CMYA5: variants seen among roughly 807,000 people sequenced by gnomAD.
CMYA5 encodes cardiomyopathy associated 5, also known as cardiomyopathy-associated protein 5.
In CMYA5, 246 loss-of-function variants were observed where a neutral mutation model predicts 318.9. The ratio of observed to expected loss-of-function variants is 0.77; its 90% CI spans 0.70 to 0.86. The LOEUF is 0.86. Among genes scored for constraint, CMYA5 ranks in the 40% least tolerant of loss-of-function variants. The pLI is 0.00. For synonymous variants in CMYA5, 1,641 were observed against 1,729.5 expected (o/e 0.95, Z 1.27); for missense variants, 4,589 against 4,678.2 (o/e 0.98, Z 0.56).
Position 79,731,144 on chromosome 5 carries a change from G to A in CMYA5, c.2379G>A (p.Pro793=), listed in dbSNP as rs778726629. 6.3e-5 allele frequency: 101 copies of A among 1,613,812 alleles called. No homozygotes were observed. The Middle Eastern group carries it at 8.2e-4, about 13-fold the overall frequency. Residue 793 remains proline (P), a synonymous_variant, in exon 2 of 13, where the codon CCG becomes CCA. Coordinates refer to ENST00000446378, the MANE Select transcript of CMYA5 (RefSeq NM_153610.5). ...ACCTAGGAAGTGAACGTTTCACACC[G>A]GATTCAAAGTTGATCTCCAAATATG... is the stretch of plus-strand genomic sequence containing the variant. ...GEDLGSERFT[P]DSKLISKYAA... is the part of the protein sequence containing the mutation.
rs11319092 is a variant in CMYA5 at position 79,693,336 on chromosome 5, ATT to A, written c.149+3297_149+3298del. ...GGAGTCGTTTGTTCAAAGTCACACA[ATT>A]TTTTTTTTTTTTTTTTCTTGAGGTA... On this transcript the variant is annotated intron_variant, in intron 1 of 12. Coordinates refer to ENST00000446378, the MANE Select transcript of CMYA5 (RefSeq NM_153610.5). 7.5e-3 allele frequency among the ~76,000 whole-genome samples: 1,019 copies of A among 135,656 alleles called. 13 individuals are homozygous for A. The highest frequency in any genetic ancestry group is 0.02 in the African/African-American group (697 of 35,236). The allele number at this position is 135,656 out of a possible 152,430, so 89.0% of individuals were successfully genotyped here.
chr5:79,744,067 T>C (rs1340535778), intron 3 of CMYA5, 145 bp downstream of exon 3: 1 of 514,384 alleles, frequency 1.9e-6, no homozygotes, highest in African/African-American at 2.0e-5. Context: ...AAAGCGAGAA[T>C]GCTTAAAGTC....
rs1828455837 is a variant in CMYA5, at chr5:79,752,807, A to C, written c.11110+13A>C. 6.4e-7 allele frequency: 1 copy of C among 1,567,464 alleles called. No individual in the cohort carries two copies. The highest frequency in any genetic ancestry group is 1.1e-5 in the South Asian group (1 of 89,930). ...AAACAAGTGGCTGGTAAGCATTTTA[A>C]TATATTAATTACCTAGATGAAATAT... On this transcript the variant is annotated intron_variant, in intron 6 of 12. Transcript: ENST00000446378.
Position 79,731,226 on chromosome 5 carries a change from CAAT to C in CMYA5, c.2462_2464del (p.Gln821_Phe822delinsLeu). The C allele has an allele frequency of 6.2e-7, 1 of 1,613,984 alleles. No homozygotes were observed. The highest frequency in any genetic ancestry group is 8.5e-7 in the Non-Finnish European group (1 of 1,179,884). ...AAAGAAAATAATCAATGAGGCATCC[CAAT>C]TCAAACCAAAAGGTATTTCTGAGCA... On this transcript the variant is annotated inframe_deletion, in exon 2 of 13. Transcript: ENST00000446378.
chr5:79,750,253 A>G (rs1828405248), intron 5 of CMYA5, among the ~76,000 whole-genome samples: 1 of 152,212 alleles, frequency 6.6e-6, no homozygotes, highest in Non-Finnish European at 1.5e-5. Flanking sequence ...AACTTAAGGT[A>G]TTAATAAATA....
At chr5:79,705,895 A>C (rs1474867197) in intron 1 of CMYA5, among the ~76,000 whole-genome samples, 3 of 152,124 alleles carry the variant, frequency 2.0e-5, no homozygotes, top group Non-Finnish European at 4.4e-5. Context: ...GGTAAATGAG[A>C]ATGGAGATAC....
chr5:79,725,718 C>T (rs1389545024), intron 1 of CMYA5, among the ~76,000 whole-genome samples: 2 of 152,172 alleles, frequency 1.3e-5, no homozygotes, highest in Non-Finnish European at 2.9e-5. Context: ...GCCTCATCAA[C>T]ATGGTGAAAT....
At chr5:79,759,732 G>C (rs1037823586) in intron 7 of CMYA5, among the ~76,000 whole-genome samples, 5 of 152,076 alleles carry the variant, frequency 3.3e-5, no homozygotes, top group Non-Finnish European at 5.9e-5. Flanking sequence ...TCCTAACTCA[G>C]GTGCCCAATT....
At position 79,757,640 on chromosome 5, in the gene CMYA5, T is replaced by C. The variant is rs62363680; in HGVS notation, c.11111-1113T>C. On this transcript the variant is annotated intron_variant, in intron 6 of 12. Transcript: ENST00000446378. ...CTGGCTTGAAGATACACCAACTATA[T>C]CTTAAAAGGGTTTCATTTGCCTCTA... is the stretch of plus-strand genomic sequence containing the variant. 6.7e-3 allele frequency among the ~76,000 whole-genome samples: 1,023 copies of C among 152,346 alleles called. 4 individuals carry two copies. The highest frequency in any genetic ancestry group is 0.011 in the Non-Finnish European group (736 of 68,032).
intron 3 of CMYA5, 67 bp downstream of exon 3, chr5:79,743,989 G>A: frequency 1.3e-6 from 1 of 777,910 alleles, no homozygotes; most frequent in Non-Finnish European, 2.0e-6. Context: ...ATGATTCTGA[G>A]GTGAAGGGAT....
In CMYA5 at chr5:79,791,035, G is replaced by A; in HGVS notation, c.11755G>A (p.Val3919Met). 1.9e-6 allele frequency: 3 copies of A among 1,613,862 alleles called. No individual in the cohort carries two copies. Among genetic ancestry groups the A allele is most frequent in the Non-Finnish European group, 2.5e-6 (3 of 1,179,806 alleles). Residue 3919 changes from valine to methionine, a missense_variant, in exon 11 of 13, where the codon GTG becomes ATG. Transcript: ENST00000446378. ...PALHISSSGT[V>M]ISFGERRRLT... ...TCTACACATTTCCTCAAGTGGGACA[G>A]TGATCAGCTTTGGTGAGAGGAGACG... is the stretch of plus-strand genomic sequence containing the variant.
In CMYA5 at chr5:79,730,840, C is replaced by A. The variant is rs1406236287; in HGVS notation, c.2075C>A (p.Pro692Gln). 1.2e-6 allele frequency: 2 copies of A among 1,613,794 alleles called. No individual in the cohort carries two copies. Among genetic ancestry groups the A allele is most frequent in the Admixed American group, 1.7e-5 (1 of 59,974 alleles). ...DEASESGCYTPDSTSASEYSV... is the reference protein window; with the variant it reads ...DEASESGCYTQDSTSASEYSV... Reference sequence around the variant, plus strand: ...GCCTCAGAAAGTGGGTGTTACACACCAGACTCCACATCTGCTTCTGAATAT... The same window carrying A: ...GCCTCAGAAAGTGGGTGTTACACACAAGACTCCACATCTGCTTCTGAATAT... The change falls in exon 2 of 13, where the codon CCA (proline) becomes CAA (glutamine). Residue 692 changes from proline (P) to glutamine (Q), a missense_variant. Coordinates refer to ENST00000446378, the MANE Select transcript of CMYA5 (RefSeq NM_153610.5).
chr5:79,691,481 G>T (rs564755691), intron 1 of CMYA5, among the ~76,000 whole-genome samples: 6 of 152,360 alleles, frequency 3.9e-5, no homozygotes, highest in African/African-American at 9.6e-5. Flanking sequence ...TTCAGAAAAG[G>T]ATGTGATTTG....
intron 1 of CMYA5, among the ~76,000 whole-genome samples, chr5:79,691,059 G>A (rs1421097379): frequency 6.6e-6 from 1 of 152,212 alleles, no homozygotes; most frequent in Admixed American, 6.5e-5. Context: ...TGTGGAAAAA[G>A]TTTCCCTAAC....
intron 1 of CMYA5, among the ~76,000 whole-genome samples, chr5:79,718,661 A>C (rs1160396192): frequency 6.6e-6 from 1 of 152,208 alleles, no homozygotes; most frequent in African/African-American, 2.4e-5. Flanking sequence ...AGGAACTACA[A>C]GTTCCTAGAA....
At chr5:79,748,446 G>C (rs928631319) in intron 5 of CMYA5, among the ~76,000 whole-genome samples, 3 of 152,112 alleles carry the variant, frequency 2.0e-5, no homozygotes, top group African/African-American at 7.2e-5. Context: ...ACGAGTCTAA[G>C]ACACACCAAT....
chr5:79,748,656 C>T (rs1260708153), intron 5 of CMYA5, among the ~76,000 whole-genome samples: 1 of 152,112 alleles, frequency 6.6e-6, no homozygotes, highest in Non-Finnish European at 1.5e-5. Flanking sequence ...AATTCTCCTG[C>T]CTCAGCCTCC....
intron 7 of CMYA5, among the ~76,000 whole-genome samples, chr5:79,761,396 C>G (rs1380180442): frequency 2.6e-5 from 4 of 152,134 alleles, no homozygotes. Context: ...TGTTTAAAAA[C>G]CATGAAGTTG....
intron 5 of CMYA5, among the ~76,000 whole-genome samples, chr5:79,748,068 G>C (rs1455043734): frequency 6.6e-6 from 1 of 152,110 alleles, no homozygotes; most frequent in Non-Finnish European, 1.5e-5. Flanking sequence ...TTACCAGTTA[G>C]TTTTTGAAAA....
Sources: allele counts gnomAD v4.1 joint callset (sites outside exome capture counted in the v4.1 genomes callset), GRCh38; gene constraint gnomAD v4.1.1; transcripts MANE v1.5; gene names NCBI Gene and HGNC (gene_info 2026-07-23, HGNC 2026-07-21).